CHRM3: variants seen among roughly 807,000 people sequenced by gnomAD.
The protein encoded by CHRM3 is cholinergic receptor muscarinic 3.
Under a neutral mutation model 41.8 loss-of-function variants are expected in CHRM3, and 11 were observed. The ratio of observed to expected loss-of-function variants is 0.26; its 90% CI spans 0.17 to 0.44. The LOEUF is 0.44. Among genes scored for constraint, CHRM3 ranks in the 20% least tolerant of loss-of-function variants. The pLI is 1.00. For missense variants in CHRM3, 571 were observed against 745.4 expected, an observed-to-expected ratio of 0.77 and a Z score of 2.72; for synonymous variants, 297 against 301.4, an observed-to-expected ratio of 0.99 and a Z score of 0.15.
intron 3 of CHRM3, chr1:239,546,097 A>G (rs1365477630): frequency 6.6e-6 from 1 of 152,186 alleles, no homozygotes; most frequent in African/African-American, 2.4e-5. Flanking sequence ...ATGTAAGCTT[A>G]AACTTTTTAC....
chr1:239,493,790 C>A (rs1667706530), intron 2 of CHRM3, among the ~76,000 whole-genome samples: 1 of 152,104 alleles, frequency 6.6e-6, no homozygotes, highest in Non-Finnish European at 1.5e-5. Context: ...TTCTTAAATA[C>A]AAACTATATA....
intron 5 of CHRM3, among the ~76,000 whole-genome samples, chr1:239,761,538 C>T (rs576810912): frequency 6.6e-6 from 1 of 152,288 alleles, no homozygotes; most frequent in African/African-American, 2.4e-5. Context: ...GGGGATGCAT[C>T]CAAATTGGAA....
intron 1 of CHRM3, among the ~76,000 whole-genome samples, chr1:239,388,023 C>T (rs1430609219): frequency 6.6e-6 from 1 of 152,146 alleles, no homozygotes; most frequent in African/African-American, 2.4e-5. Flanking sequence ...ATTCACTTGT[C>T]TACTTCGCGG....
intron 3 of CHRM3, among the ~76,000 whole-genome samples, chr1:239,553,913 G>C (rs1044204845): frequency 6.6e-6 from 1 of 152,132 alleles, no homozygotes; most frequent in Non-Finnish European, 1.5e-5. Context: ...TTTTGAAGCA[G>C]AGTCTCACTC....
chr1:239,861,671 AT>A (rs1305512298), intron 6 of CHRM3, among the ~76,000 whole-genome samples: 1 of 151,990 alleles, frequency 6.6e-6, no homozygotes, highest in Non-Finnish European at 1.5e-5. Context: ...CTCGTTCGTT[AT>A]TTTTTCGTAG....
chr1:239,517,924 G>A (rs1486616863), intron 2 of CHRM3, among the ~76,000 whole-genome samples: 1 of 152,102 alleles, frequency 6.6e-6, no homozygotes, highest in African/African-American at 2.4e-5. Context: ...TGGCAAATAT[G>A]GTGAAACCCC....
chr1:239,850,441 A>G (rs960950457), intron 6 of CHRM3, among the ~76,000 whole-genome samples: 3 of 152,078 alleles, frequency 2.0e-5, no homozygotes, highest in Non-Finnish European at 1.5e-5. Flanking sequence ...CACTCGGTGT[A>G]ATTTTCATTG....
intron 5 of CHRM3, among the ~76,000 whole-genome samples, chr1:239,741,186 G>A (rs1173687862): frequency 6.6e-6 from 1 of 152,174 alleles, no homozygotes; most frequent in Non-Finnish European, 1.5e-5. Context: ...GAGATTCAAA[G>A]CAGCAGGTAA....
chr1:239,799,177 G>A (rs888428040), intron 5 of CHRM3, among the ~76,000 whole-genome samples: 8 of 152,182 alleles, frequency 5.3e-5, no homozygotes, highest in African/African-American at 1.9e-4. Flanking sequence ...TAAAGTCTTA[G>A]CAGAAGACCT....
intron 6 of CHRM3, among the ~76,000 whole-genome samples, chr1:239,899,294 T>TGC (rs1679283938): frequency 7.3e-6 from 1 of 137,688 alleles, no homozygotes; most frequent in Non-Finnish European, 1.5e-5. Flanking sequence ...TGTGTGTGTG[T>TGC]GTGTGTGTGT....
At chr1:239,686,636 A>G (rs889913862) in intron 5 of CHRM3, among the ~76,000 whole-genome samples, 13 of 152,190 alleles carry the variant, frequency 8.5e-5, no homozygotes, top group African/African-American at 3.1e-4. Flanking sequence ...TTCCTTGAGG[A>G]CTGGAATCCT....
At chr1:239,770,682 G>A (rs1667588027) in intron 5 of CHRM3, among the ~76,000 whole-genome samples, 1 of 152,136 alleles carries the variant, frequency 6.6e-6, no homozygotes, top group Non-Finnish European at 1.5e-5. Context: ...GATGACAGCT[G>A]CAGAGGGAAC....
intron 1 of CHRM3, among the ~76,000 whole-genome samples, chr1:239,480,320 G>C (rs1188797967): frequency 6.6e-6 from 1 of 151,982 alleles, no homozygotes; most frequent in African/African-American, 2.4e-5. Context: ...AACTTTTTTT[G>C]TGAAATACAC....
chr1:239,529,333 G>T (rs1013708663), intron 2 of CHRM3, among the ~76,000 whole-genome samples: 1 of 151,848 alleles, frequency 6.6e-6, no homozygotes, highest in East Asian at 1.9e-4. Context: ...CTTTTTGGCC[G>T]GGCATGGTGG....
chr1:239,849,031 A>G (rs1028881360), intron 6 of CHRM3, among the ~76,000 whole-genome samples: 4 of 152,196 alleles, frequency 2.6e-5, no homozygotes, highest in Non-Finnish European at 5.9e-5. Context: ...GTCCTTATGG[A>G]TTTTTAACAA....
intron 6 of CHRM3, among the ~76,000 whole-genome samples, chr1:239,865,636 G>T (rs932979860): frequency 6.6e-6 from 1 of 152,096 alleles, no homozygotes; most frequent in East Asian, 1.9e-4. Context: ...GGATGTTCAG[G>T]GGTCAACAGG....
Position 239,792,181 on chromosome 1 carries a change from T to C in CHRM3, c.-146-35071T>C, listed in dbSNP as rs1205329770. Among the ~76,000 whole-genome samples, 3 of 152,180 alleles carry C rather than the reference T, an allele frequency of 2.0e-5. No individual in the cohort carries two copies. The East Asian group carries it at 5.8e-4, about 29-fold the overall frequency. The stretch of plus-strand genomic sequence containing the variant: ...TTCCTTCCTTTGCCCTTTCTTCCTT[T>C]CTGACTTTCACTGCCAGGATCATGG... On this transcript the variant is annotated intron_variant, in intron 5 of 6. Transcript: ENST00000676153.
chr1:239,825,505 A>G (rs59721113), intron 5 of CHRM3, among the ~76,000 whole-genome samples: 43,293 of 152,050 alleles, frequency 0.28, 6,330 homozygotes, highest in Middle Eastern at 0.38. Context: ...CTCGTGGTGT[A>G]TGTATGTTAT....
At chr1:239,854,616 A>G (rs531474807) in intron 6 of CHRM3, among the ~76,000 whole-genome samples, 1 of 152,198 alleles carries the variant, frequency 6.6e-6, no homozygotes, top group African/African-American at 2.4e-5. Flanking sequence ...AGAGTTCTAA[A>G]TGTCTTGTCT....
Sources: allele counts gnomAD v4.1 joint callset (sites outside exome capture counted in the v4.1 genomes callset), GRCh38; gene constraint gnomAD v4.1.1; transcripts MANE v1.5; gene names NCBI Gene and HGNC (gene_info 2026-07-23, HGNC 2026-07-21).